The following LPAR1 variants were observed in gnomAD, a reference collection of about 807,000 sequenced individuals.
LPAR1 encodes lysophosphatidic acid receptor 1.
A neutral mutation model predicts 23.8 loss-of-function variants in LPAR1; 5 were observed. That is an observed-to-expected ratio of 0.21 (90% CI 0.11 to 0.44). The LOEUF is 0.44. Among genes scored for constraint, LPAR1 ranks in the 20% least tolerant of loss-of-function variants. The pLI is 0.99. For missense variants in LPAR1, 311 were observed against 482.8 expected (o/e 0.64, Z 3.33); for synonymous variants, 160 against 164.7 (o/e 0.97, Z 0.22).
intron 4 of LPAR1, among the ~76,000 whole-genome samples, chr9:110,971,791 G>A (rs1237995096): frequency 8.5e-6 from 1 of 117,414 alleles, no homozygotes; most frequent in Non-Finnish European, 1.6e-5. Context: ...GACTTACTTT[G>A]ATTTAGAGTT....
At chr9:110,930,670 C>T (rs1441586906) in intron 5 of LPAR1, among the ~76,000 whole-genome samples, 2 of 152,082 alleles carry the variant, frequency 1.3e-5, no homozygotes, top group Non-Finnish European at 2.9e-5. Context: ...GCTCCCAGCA[C>T]TTTGGGAGGC....
intron 5 of LPAR1, among the ~76,000 whole-genome samples, chr9:110,939,220 A>G (rs905038782): frequency 2.0e-5 from 3 of 152,212 alleles, no homozygotes; most frequent in Non-Finnish European, 4.4e-5. Flanking sequence ...CCACGCCTTG[A>G]AAAACATCTG....
chr9:110,926,524 A>G (rs2094045612), intron 5 of LPAR1, among the ~76,000 whole-genome samples: 1 of 152,230 alleles, frequency 6.6e-6, no homozygotes, highest in African/African-American at 2.4e-5. Context: ...ACCTTTTAGT[A>G]GATCAGGTGA....
At chr9:110,999,628 T>C (rs2097091846) in intron 2 of LPAR1, among the ~76,000 whole-genome samples, 1 of 152,174 alleles carries the variant, frequency 6.6e-6, no homozygotes, top group South Asian at 2.1e-4. Flanking sequence ...ATGAGGCCTC[T>C]TCGGGGTTGT....
intron 4 of LPAR1, among the ~76,000 whole-genome samples, chr9:110,968,244 A>G (rs906415750): frequency 6.6e-6 from 1 of 152,172 alleles, no homozygotes; most frequent in Non-Finnish European, 1.5e-5. Context: ...TTTCTGCAGT[A>G]TAACTATTCC....
intron 2 of LPAR1, among the ~76,000 whole-genome samples, chr9:111,018,511 C>T (rs2097499907): frequency 6.6e-6 from 1 of 152,134 alleles, no homozygotes; most frequent in Admixed American, 6.6e-5. Flanking sequence ...TTACTGCATA[C>T]TATTAAGAGA....
chr9:110,879,524 T>C (rs1310401905), intron 5 of LPAR1, among the ~76,000 whole-genome samples: 1 of 152,060 alleles, frequency 6.6e-6, no homozygotes. Context: ...AAAGGTCTTG[T>C]ATATCTGGCT....
chr9:110,970,573 A>ATGAATAAAGGGCTTTATTCATATGATG lies in LPAR1; in HGVS notation c.45+1499_45+1500insCATCATATGAATAAAGCCCTTTATTCA, dbSNP rs1564202094. 5.5e-4 allele frequency among the ~76,000 whole-genome samples: 84 copies of ATGAATAAAGGGCTTTATTCATATGATG among 152,126 alleles called. 3 individuals carry two copies. The South Asian group carries it at 0.016, about 29-fold the overall frequency. The stretch of plus-strand genomic sequence containing the variant: ...GAATAAAGGGCTTTATTCATATGAT[A>ATGAATAAAGGGCTTTATTCATATGATG]AAATCCCAAGGTTGATAACAATGAT... On this transcript the variant is annotated intron_variant, in intron 4 of 5. Transcript: ENST00000683809.
chr9:110,953,965 A>C (rs1230679569), intron 4 of LPAR1, among the ~76,000 whole-genome samples: 2 of 152,120 alleles, frequency 1.3e-5, no homozygotes, highest in African/African-American at 2.4e-5. Context: ...TTGAATGAAA[A>C]AGAAACTTAT....
intron 2 of LPAR1, among the ~76,000 whole-genome samples, chr9:110,984,662 A>T (rs921834741): frequency 4.6e-5 from 7 of 152,056 alleles, no homozygotes; most frequent in African/African-American, 7.2e-5. Flanking sequence ...GTTCAAACAC[A>T]TAATACAACT....
chr9:110,883,359 C>G (rs1283462700), intron 5 of LPAR1, among the ~76,000 whole-genome samples: 1 of 151,870 alleles, frequency 6.6e-6, no homozygotes, highest in South Asian at 2.1e-4. Context: ...TTTTAAAGTA[C>G]GTTTTTAAAA....
At chr9:111,000,884 G>A (rs943585936) in intron 2 of LPAR1, among the ~76,000 whole-genome samples, 2 of 152,074 alleles carry the variant, frequency 1.3e-5, no homozygotes, top group Non-Finnish European at 2.9e-5. Flanking sequence ...CAGAGAGGTC[G>A]GTCATTTTGG....
Position 110,875,670 on chromosome 9 carries a change from C to G in LPAR1, c.846G>C (p.Val282=), listed in dbSNP as rs1564333272. The G allele has an allele frequency of 2.5e-6, 4 of 1,613,750 alleles. No individual in the cohort carries two copies. Among genetic ancestry groups the G allele is most frequent in the Non-Finnish European group, 1.7e-6 (2 of 1,179,840 alleles). Reference sequence around the variant, plus strand: ...CCAGCACGTCGCACTGTGGACAGCACACGTCTAGAAGTAACAAAACCAATC... The same window carrying G: ...CCAGCACGTCGCACTGTGGACAGCAGACGTCTAGAAGTAACAAAACCAATC... ...TPGLVLLLLD[V]CCPQCDVLAY... is the part of the protein sequence containing the mutation. The change falls in exon 6 of 6, where the codon GTG becomes GTC. Residue 282 remains valine, a synonymous_variant. Coordinates refer to ENST00000683809, the MANE Select transcript of LPAR1 (RefSeq NM_001351411.2).
chr9:110,882,719 G>A (rs1020005785), intron 5 of LPAR1, among the ~76,000 whole-genome samples: 1 of 152,170 alleles, frequency 6.6e-6, no homozygotes, highest in African/African-American at 2.4e-5. Context: ...TGAGATGACA[G>A]GCAGGAGGAA....
At chr9:110,895,836 CAACAAAAGAG>C (rs141365847) in intron 5 of LPAR1, among the ~76,000 whole-genome samples, 24,837 of 152,080 alleles carry the variant, frequency 0.16, 2,560 homozygotes, top group Admixed American at 0.24. Flanking sequence ...AATAAAGTAG[CAACAAAAGAG>C]AACCAGATGC....
chr9:110,876,373 TG>T (rs1300508101), intron 5 of LPAR1, among the ~76,000 whole-genome samples: 1 of 152,234 alleles, frequency 6.6e-6, no homozygotes, highest in Non-Finnish European at 1.5e-5. Flanking sequence ...GTTTGGAAAT[TG>T]TGATTTTCAA....
At chr9:110,906,815 T>A (rs992917011) in intron 5 of LPAR1, among the ~76,000 whole-genome samples, 10 of 152,162 alleles carry the variant, frequency 6.6e-5, no homozygotes, top group African/African-American at 2.4e-4. Context: ...GTAAATGAAC[T>A]ATATATTTAC....
intron 2 of LPAR1, among the ~76,000 whole-genome samples, chr9:111,031,031 C>T (rs979294610): frequency 6.6e-6 from 1 of 151,956 alleles, no homozygotes; most frequent in Non-Finnish European, 1.5e-5. Context: ...CTATGGAAGG[C>T]TATGGAACAA....
At chr9:110,903,723 G>A (rs893792109) in intron 5 of LPAR1, among the ~76,000 whole-genome samples, 3 of 151,906 alleles carry the variant, frequency 2.0e-5, no homozygotes, top group Non-Finnish European at 4.4e-5. Context: ...AAGAGAGTGG[G>A]CTTGAAAAAT....
Sources: gnomAD v4.1 joint callset for allele counts (sites outside exome capture counted in the v4.1 genomes callset) on GRCh38, gnomAD v4.1.1 for gene constraint, MANE v1.5 for transcripts, NCBI Gene and HGNC (gene_info 2026-07-23, HGNC 2026-07-21) for gene names.